Variants in TMEM230 observed in about 807,000 individuals in gnomAD.
The protein encoded by TMEM230 is UPF0414 transmembrane protein C20orf30.
In TMEM230, 10 loss-of-function variants were observed where a neutral mutation model predicts 15.8. The observed-to-expected ratio is 0.63, with a 90% CI of 0.39 to 1.07. TMEM230 has a LOEUF of 1.07. Ranked by LOEUF, TMEM230 falls within the 50% of genes least tolerant of loss-of-function variation. The probability of loss-of-function intolerance (pLI) is 0.01; values close to 1 mark genes in which losing one functional copy is unlikely to be tolerated. For missense variants in TMEM230, 165 were observed against 193.3 expected (o/e 0.85, Z 0.87); for synonymous variants, 67 against 76.9 (o/e 0.87, Z 0.68).
downstream of TMEM230, chr20:5,067,455 A>ATT (rs2088684546): frequency 2.2e-5 from 2 of 88,938 alleles, no homozygotes; most frequent in African/African-American, 8.2e-5. Context: ...ATATATATAT[A>ATT]TATATTTTAA....
At chr20:5,076,496 G>A (rs917620636) in intron 3 of TMEM230, among the ~76,000 whole-genome samples, 11 of 151,928 alleles carry the variant, frequency 7.2e-5, no homozygotes, top group South Asian at 4.2e-4. Context: ...AGCTGAGAGC[G>A]CGCCACTGCA....
intron 3 of TMEM230, among the ~76,000 whole-genome samples, chr20:5,107,690 T>C (rs1370487652): frequency 6.6e-6 from 1 of 151,754 alleles, no homozygotes; most frequent in Non-Finnish European, 1.5e-5. Context: ...GGCACATGCT[T>C]GTGGTCCCAG....
intron 1 of TMEM230, chr20:5,111,738 TCAC>T: frequency 1.0e-6 from 1 of 969,806 alleles, no homozygotes; most frequent in Non-Finnish European, 1.2e-6. Context: ...ATTATCATCA[TCAC>T]AATAATGGTG....
chr20:5,113,050 A>G lies in TMEM230; in HGVS notation c.-22T>C. 1 of 1,543,458 alleles carries G rather than the reference A, an allele frequency of 6.5e-7. No homozygotes were observed. The highest frequency in any genetic ancestry group is 1.2e-5 in the South Asian group (1 of 83,934). ...GCATGGCATGGCCCGCTTAAGTGCC[A>G]CTCAGCCGGCCCCAGGCGGGATCAG... On this transcript the variant is annotated 5_prime_UTR_variant, in exon 1 of 5. Coordinates refer to ENST00000342308, the MANE Select transcript of TMEM230 (RefSeq NM_001009923.2).
At chr20:5,074,395 T>G (rs2088923214) in intron 3 of TMEM230, among the ~76,000 whole-genome samples, 1 of 152,120 alleles carries the variant, frequency 6.6e-6, no homozygotes. Context: ...ATCTAACCTA[T>G]CTATAGTTTC....
chr20:5,074,480 C>G (rs2122559767), intron 3 of TMEM230, among the ~76,000 whole-genome samples: 1 of 152,212 alleles, frequency 6.6e-6, no homozygotes, highest in South Asian at 2.1e-4. Flanking sequence ...AGTTACCTCT[C>G]CACAATTTGT....
rs1474350879 is a variant in TMEM230, at chr20:5,100,916, C to T, written c.427G>A (p.Val143Ile). Residue 143 changes from valine (V) to isoleucine (I), a missense_variant, in exon 5 of 5, where the codon GTT (valine) becomes ATT (isoleucine). Val to Ile is a conservative substitution (Grantham distance 29, BLOSUM62 3). Transcript: ENST00000342308. Reference sequence around the variant, plus strand: ...AGAATGCCAATGATCAGCACTGGAACGGCCCGGTCTGCCCCCTGGTGGCAG... The same window carrying T: ...AGAATGCCAATGATCAGCACTGGAATGGCCCGGTCTGCCCCCTGGTGGCAG... 9.3e-6 allele frequency: 15 copies of T among 1,614,020 alleles called. No homozygotes were observed. Among genetic ancestry groups the T allele is most frequent in the East Asian group, 6.7e-5 (3 of 44,902 alleles).
intron 3 of TMEM230, among the ~76,000 whole-genome samples, chr20:5,070,769 GTTCT>G (rs746968537): frequency 1.3e-5 from 2 of 152,152 alleles, no homozygotes; most frequent in Non-Finnish European, 2.9e-5. Flanking sequence ...TTGTTGGTTG[GTTCT>G]TTATTTTGCT....
chr20:5,079,123 C>T (rs894812890), intron 3 of TMEM230, among the ~76,000 whole-genome samples: 1 of 151,954 alleles, frequency 6.6e-6, no homozygotes, highest in Admixed American at 6.6e-5. Flanking sequence ...GCAGAATCAC[C>T]CTGTTTTAAT....
At chr20:5,071,321 G>A (rs2088816094) in intron 3 of TMEM230, among the ~76,000 whole-genome samples, 1 of 151,984 alleles carries the variant, frequency 6.6e-6, no homozygotes. Context: ...GCATGAATAT[G>A]CATGTAAGGG....
At chr20:5,109,217 T>A in intron 3 of TMEM230, 115 bp downstream of exon 2, 1 of 758,560 alleles carries the variant, frequency 1.3e-6, no homozygotes, top group South Asian at 1.9e-5. Flanking sequence ...AGTTTTCTTC[T>A]TGTTGCTCCT....
At chr20:5,086,602 C>CT (rs1279296482) in intron 3 of TMEM230, among the ~76,000 whole-genome samples, 5 of 149,244 alleles carry the variant, frequency 3.4e-5, no homozygotes, top group South Asian at 4.2e-4. Flanking sequence ...TTTATATATG[C>CT]TTTTTTTTCT....
At chr20:5,059,772 T>A in the TMEM230 span, among the ~76,000 whole-genome samples, 1 of 130,380 alleles carries the variant, frequency 7.7e-6, no homozygotes, top group Admixed American at 8.0e-5. Flanking sequence ...AATTTTTTTT[T>A]TTTTTTTTTT....
downstream of TMEM230, among the ~76,000 whole-genome samples, chr20:5,096,610 G>A (rs2089671247): frequency 6.6e-6 from 1 of 152,206 alleles, no homozygotes. Context: ...GCTGGTACAG[G>A]TAGGTCATGA....
At chr20:5,096,792 G>C (rs1457593062), downstream of TMEM230, among the ~76,000 whole-genome samples, 1 of 152,174 alleles carries the variant, frequency 6.6e-6, no homozygotes, top group Non-Finnish European at 1.5e-5. Context: ...AAAGGAACAT[G>C]GTGTCCTGGG....
chr20:5,075,361 G>A (rs372755597), intron 3 of TMEM230, among the ~76,000 whole-genome samples: 6 of 151,374 alleles, frequency 4.0e-5, no homozygotes, highest in East Asian at 2.0e-4. Flanking sequence ...CACCGCGCCC[G>A]GCCTAAAATG....
chr20:5,060,665 T>C, the TMEM230 span, among the ~76,000 whole-genome samples: 2 of 152,112 alleles, frequency 1.3e-5, no homozygotes, highest in East Asian at 3.8e-4. Context: ...GTCTTGTCTT[T>C]CTCAGTTAAC....
At chr20:5,069,229 G>A in exon 4 of TMEM230, 2 of 1,535,914 alleles carry the variant, frequency 1.3e-6, no homozygotes, top group Non-Finnish European at 1.7e-6. Flanking sequence ...CCTTCTGGAA[G>A]CCTTGAGCTG....
At chr20:5,076,673 A>ATTTTTT (rs2089008859) in intron 3 of TMEM230, among the ~76,000 whole-genome samples, 3 of 138,024 alleles carry the variant, frequency 2.2e-5, no homozygotes, top group African/African-American at 9.1e-5. Flanking sequence ...TTGGATTGAT[A>ATTTTTT]TTCTTTTTTT....
Sources: allele counts gnomAD v4.1 joint callset (sites outside exome capture counted in the v4.1 genomes callset), GRCh38; gene constraint gnomAD v4.1.1; transcripts MANE v1.5; gene names NCBI Gene and HGNC (gene_info 2026-07-23, HGNC 2026-07-21).